The following FAR2 variants were observed in gnomAD, a reference collection of about 807,000 sequenced individuals.
FAR2 encodes the protein epididymis secretory protein Li 81.
A neutral mutation model predicts 56.0 loss-of-function variants in FAR2; 19 were observed. That is an observed-to-expected ratio of 0.34 (90% CI 0.24 to 0.50). The LOEUF is 0.50. Among genes scored for constraint, FAR2 ranks in the 20% least tolerant of loss-of-function variants. The pLI, the probability that FAR2 is intolerant of heterozygous loss-of-function variation, is 0.98. For missense variants in FAR2, 508 were observed against 642.2 expected (o/e 0.79, Z 2.26); for synonymous variants, 219 against 218.8 (o/e 1.00, Z -0.01).
chr12:29,169,836 C>G (rs963851004), intron 1 of FAR2, among the ~76,000 whole-genome samples: 1 of 152,208 alleles, frequency 6.6e-6, no homozygotes, highest in Non-Finnish European at 1.5e-5. Flanking sequence ...ATTCTAGTTT[C>G]TGTAGCAGCA....
chr12:29,257,691 T>C (rs1948348093), intron 1 of FAR2, among the ~76,000 whole-genome samples: 1 of 149,622 alleles, frequency 6.7e-6, no homozygotes, highest in African/African-American at 2.5e-5. Flanking sequence ...GCTGTAACAC[T>C]CACCTCGAAG....
intron 1 of FAR2, among the ~76,000 whole-genome samples, chr12:29,252,690 G>A (rs532826118): frequency 6.6e-6 from 1 of 152,280 alleles, no homozygotes; most frequent in East Asian, 1.9e-4. Flanking sequence ...AAGGGTTAGT[G>A]CGTTTTTGGT....
intron 9 of FAR2, among the ~76,000 whole-genome samples, chr12:29,319,282 C>T (rs1283699572): frequency 3.9e-5 from 6 of 152,134 alleles, no homozygotes; most frequent in East Asian, 1.9e-4. Context: ...TGAGCCACCG[C>T]GCCCGGCCAA....
intron 1 of FAR2, among the ~76,000 whole-genome samples, chr12:29,181,202 T>A (rs1196357642): frequency 6.6e-6 from 1 of 152,166 alleles, no homozygotes; most frequent in Non-Finnish European, 1.5e-5. Flanking sequence ...TTTCCTGACG[T>A]TCACCCGTAG....
chr12:29,263,248 A>C (rs370788289), intron 1 of FAR2, among the ~76,000 whole-genome samples: 40 of 152,308 alleles, frequency 2.6e-4, no homozygotes, highest in African/African-American at 9.6e-4. Context: ...CCTCTCAGAC[A>C]GAAACTCAAT....
chr12:29,229,897 T>C (rs1250597802), intron 1 of FAR2, among the ~76,000 whole-genome samples: 1 of 152,022 alleles, frequency 6.6e-6, no homozygotes, highest in African/African-American at 2.4e-5. Context: ...TGGGAGCTGA[T>C]AAAACACAGA....
chr12:29,317,629 C>T (rs1949474579), intron 9 of FAR2: 1 of 152,558 alleles, frequency 6.6e-6, no homozygotes, highest in Non-Finnish European at 1.5e-5. Context: ...AAAAGAAAAG[C>T]AATTGAGACT....
chr12:29,268,457 C>T (rs1338441759), intron 1 of FAR2, among the ~76,000 whole-genome samples: 1 of 152,202 alleles, frequency 6.6e-6, no homozygotes, highest in East Asian at 1.9e-4. Context: ...TTCCTGCTAC[C>T]AGATTCATTT....
chr12:29,301,008 A>C (rs953931471), intron 4 of FAR2, among the ~76,000 whole-genome samples: 2 of 152,060 alleles, frequency 1.3e-5, no homozygotes, highest in Non-Finnish European at 2.9e-5. Flanking sequence ...TTGCAGGCCT[A>C]AAGTCTCTGC....
intron 9 of FAR2, among the ~76,000 whole-genome samples, chr12:29,317,482 A>G (rs1949469721): frequency 6.6e-6 from 1 of 152,204 alleles, no homozygotes; most frequent in African/African-American, 2.4e-5. Context: ...TTTCACATAA[A>G]GGATACTCGA....
chr12:29,328,730 C>A, intron 10 of FAR2, among the ~76,000 whole-genome samples: 1 of 84,570 alleles, frequency 1.2e-5, no homozygotes, highest in South Asian at 4.4e-4. Context: ...CATCACACAC[C>A]GGGGCCTGTT....
At chr12:29,173,174 G>A (rs1230604412) in intron 1 of FAR2, among the ~76,000 whole-genome samples, 1 of 152,190 alleles carries the variant, frequency 6.6e-6, no homozygotes, top group Non-Finnish European at 1.5e-5. Flanking sequence ...GGTCTGCTTT[G>A]ATCTGCTTTA....
chr12:29,321,831 T>G lies in FAR2; in HGVS notation c.1164T>G (p.Val388=). 6.2e-7 allele frequency: 1 copy of G among 1,613,850 alleles called. No homozygotes were observed. Among genetic ancestry groups the G allele is most frequent in the South Asian group, 1.1e-5 (1 of 91,076 alleles). ...TCATGAATCGGCTTTTAAGAACTGT[T>G]TCCATGTTGGAGTATTTCATCAACC... ...TKLMNRLLRT[V]SMLEYFINRS... Residue 388 remains valine (V), a synonymous_variant, in exon 10 of 12, where the codon GTT becomes GTG. Transcript: ENST00000536681.
chr12:29,296,992 T>C, intron 3 of FAR2, 29 bp from the exon 4 acceptor site: 1 of 1,557,736 alleles, frequency 6.4e-7, no homozygotes, highest in Non-Finnish European at 8.7e-7. Context: ...CTTACTTCAT[T>C]GTATTTCCTT....
intron 2 of FAR2, among the ~76,000 whole-genome samples, chr12:29,271,680 A>G (rs1948621047): frequency 6.6e-6 from 1 of 152,190 alleles, no homozygotes; most frequent in African/African-American, 2.4e-5. Context: ...TCATCAAGCA[A>G]ATTGGAAAAG....
chr12:29,212,811 G>T (rs1947567373), intron 1 of FAR2, among the ~76,000 whole-genome samples: 1 of 152,186 alleles, frequency 6.6e-6, no homozygotes, highest in Admixed American at 6.5e-5. Context: ...AATCGTTTTT[G>T]CAGGAGCCAA....
At chr12:29,214,874 A>G (rs989189960) in intron 1 of FAR2, among the ~76,000 whole-genome samples, 3 of 152,010 alleles carry the variant, frequency 2.0e-5, no homozygotes, top group African/African-American at 7.2e-5. Flanking sequence ...GAACGTGAAC[A>G]TAGGTGATAT....
At chr12:29,188,944 A>G (rs1307795850) in intron 1 of FAR2, among the ~76,000 whole-genome samples, 11 of 152,112 alleles carry the variant, frequency 7.2e-5, no homozygotes, top group Non-Finnish European at 8.8e-5. Context: ...TTATCATATC[A>G]TATCAGGGGT....
chr12:29,323,510 C>T (rs1386116017), intron 10 of FAR2, among the ~76,000 whole-genome samples: 2 of 152,222 alleles, frequency 1.3e-5, no homozygotes, highest in Non-Finnish European at 1.5e-5. Flanking sequence ...TAGGGGCGGA[C>T]TGACACATCA....
Sources: gnomAD v4.1 joint callset for allele counts (sites outside exome capture counted in the v4.1 genomes callset) on GRCh38, gnomAD v4.1.1 for gene constraint, MANE v1.5 for transcripts, NCBI Gene and HGNC (gene_info 2026-07-23, HGNC 2026-07-21) for gene names.